The following ANXA8 variants were observed in gnomAD, a reference collection of about 807,000 sequenced individuals.
ANXA8 encodes the protein annexin A8, also known as VAC-beta.
In ANXA8, 9 loss-of-function variants were observed where a neutral mutation model predicts 26.8. That is an observed-to-expected ratio of 0.34 (90% CI 0.20 to 0.59). ANXA8 has a LOEUF of 0.59. Among genes scored for constraint, ANXA8 ranks in the 20% least tolerant of loss-of-function variants. ANXA8 has a pLI of 0.84. For missense variants in ANXA8, 83 were observed against 238.5 expected (o/e 0.35, Z 4.29); for synonymous variants, 39 against 94.8 (o/e 0.41, Z 3.42).
chr10:47,607,389 G>A, the ANXA8 span, among the ~76,000 whole-genome samples: 2 of 148,340 alleles, frequency 1.3e-5, no homozygotes, highest in South Asian at 4.2e-4. Context: ...TTTAGGTACA[G>A]TATCACTGTT....
At chr10:47,649,793 A>C in the ANXA8 span, among the ~76,000 whole-genome samples, 1 of 139,728 alleles carries the variant, frequency 7.2e-6, no homozygotes, top group African/African-American at 2.8e-5. Context: ...CAGTGGCGCC[A>C]TCATGGCTCA....
At chr10:47,967,084 C>G in the ANXA8 span, among the ~76,000 whole-genome samples, 1 of 149,388 alleles carries the variant, frequency 6.7e-6, no homozygotes, top group South Asian at 2.1e-4. Context: ...AAATCTTTCA[C>G]TCTCACAGCA....
chr10:47,558,337 C>T, the ANXA8 span, among the ~76,000 whole-genome samples: 56 of 151,888 alleles, frequency 3.7e-4, 2 homozygotes, highest in African/African-American at 1.4e-3. Context: ...ATTTTTAGGC[C>T]ATGTGTCTAA....
the ANXA8 span, among the ~76,000 whole-genome samples, chr10:47,522,119 G>T: frequency 6.8e-6 from 1 of 146,686 alleles, no homozygotes; most frequent in Non-Finnish European, 1.5e-5. Context: ...TGAACAAGAT[G>T]CTATTGTCAG....
chr10:47,612,547 G>C, the ANXA8 span, among the ~76,000 whole-genome samples: 3 of 73,122 alleles, frequency 4.1e-5, 1 homozygote, highest in Non-Finnish European at 1.0e-4. Context: ...TTTCATGGTT[G>C]CTATGGTTTG....
chr10:47,748,004 A>C, the ANXA8 span, among the ~76,000 whole-genome samples: 2 of 152,304 alleles, frequency 1.3e-5, no homozygotes, highest in Admixed American at 6.5e-5. Context: ...AGAGTATGGA[A>C]AATACAGCAA....
the ANXA8 span, among the ~76,000 whole-genome samples, chr10:47,650,635 T>C: frequency 7.0e-6 from 1 of 143,208 alleles, no homozygotes; most frequent in African/African-American, 2.6e-5. Flanking sequence ...TGAAACCCCG[T>C]CTCTACTAAA....
the ANXA8 span, among the ~76,000 whole-genome samples, chr10:47,657,494 TG>T: frequency 6.6e-6 from 1 of 151,888 alleles, no homozygotes; most frequent in South Asian, 2.1e-4. Context: ...TTACTATAGC[TG>T]TGGCCTTACA....
the ANXA8 span, among the ~76,000 whole-genome samples, chr10:47,585,263 CAAAAAAAAAA>C: frequency 6.9e-5 from 3 of 43,570 alleles, no homozygotes; most frequent in Non-Finnish European, 3.3e-5. Context: ...GACTCCATCT[CAAAAAAAAAA>C]AAAAAAAAAA....
the ANXA8 span, among the ~76,000 whole-genome samples, chr10:47,969,165 A>G: frequency 2.8e-4 from 43 of 151,210 alleles, no homozygotes; most frequent in East Asian, 8.1e-3. Context: ...TGGTGGTGAG[A>G]AAGGCAGCTG....
the ANXA8 span, among the ~76,000 whole-genome samples, chr10:47,959,908 T>C: frequency 6.6e-6 from 1 of 151,130 alleles, no homozygotes; most frequent in African/African-American, 2.5e-5. Flanking sequence ...GATGCCATGC[T>C]GTGAGAAGGC....
the ANXA8 span, among the ~76,000 whole-genome samples, chr10:47,743,403 T>A: frequency 0.14 from 12,046 of 87,750 alleles, 130 homozygotes; most frequent in African/African-American, 0.23. Context: ...TGTGTGTGTG[T>A]GTGAGAGAGA....
the ANXA8 span, among the ~76,000 whole-genome samples, chr10:47,687,379 C>T: frequency 1.8e-4 from 28 of 151,550 alleles, no homozygotes; most frequent in Non-Finnish European, 3.7e-4. Context: ...ATTCTCCTGC[C>T]TCAGCCTCCC....
the ANXA8 span, among the ~76,000 whole-genome samples, chr10:47,722,795 A>G: frequency 7.0e-6 from 1 of 142,610 alleles, no homozygotes; most frequent in Non-Finnish European, 1.5e-5. Context: ...AGAGTGGATT[A>G]GAATGAAGCT....
chr10:47,495,867 A>G, the ANXA8 span, among the ~76,000 whole-genome samples: 2 of 151,120 alleles, frequency 1.3e-5, no homozygotes, highest in African/African-American at 2.4e-5. Flanking sequence ...GTTGCCAGCA[A>G]CACACATTCC....
At chr10:47,515,676 T>C in the ANXA8 span, among the ~76,000 whole-genome samples, 1 of 137,694 alleles carries the variant, frequency 7.3e-6, no homozygotes, top group Non-Finnish European at 1.6e-5. Context: ...ACACCAAAAA[T>C]GGAACTCCAA....
chr10:47,547,147 T>G, the ANXA8 span, among the ~76,000 whole-genome samples: 1 of 116,352 alleles, frequency 8.6e-6, no homozygotes, highest in Non-Finnish European at 1.8e-5. Flanking sequence ...CACACGCACG[T>G]ACACACCCAA....
At chr10:47,738,580 T>A in the ANXA8 span, among the ~76,000 whole-genome samples, 4 of 56,240 alleles carry the variant, frequency 7.1e-5, no homozygotes, top group African/African-American at 2.3e-4. Flanking sequence ...ACTATGGAAA[T>A]TTTTTTTTTT....
intron 1 of ANXA8, among the ~76,000 whole-genome samples, 187 bp downstream of exon 1, chr10:47,483,726 G>A (rs1175711230): frequency 1.4e-5 from 2 of 146,974 alleles, no homozygotes; most frequent in African/African-American, 2.6e-5. Context: ...CATCCCTGCC[G>A]TGGGCACTCT....
Sources: allele counts gnomAD v4.1 joint callset (sites outside exome capture counted in the v4.1 genomes callset), GRCh38; gene constraint gnomAD v4.1.1; transcripts MANE v1.5; gene names NCBI Gene and HGNC (gene_info 2026-07-23, HGNC 2026-07-21).